The following IGSF21 variants were observed in gnomAD, a reference collection of about 807,000 sequenced individuals.
The protein encoded by IGSF21 is immunoglobin superfamily member 21.
In IGSF21, 28 loss-of-function variants were observed where a neutral mutation model predicts 46.8. The ratio of observed to expected loss-of-function variants is 0.60; its 90% CI spans 0.44 to 0.82. The LOEUF (loss-of-function observed/expected upper bound fraction) is 0.82. Among genes scored for constraint, IGSF21 ranks in the 40% least tolerant of loss-of-function variants. The pLI, the probability that IGSF21 is intolerant of heterozygous loss-of-function variation, is 0.00. For missense variants in IGSF21, 624 were observed against 665.5 expected, an observed-to-expected ratio of 0.94 and a Z score of 0.69; for synonymous variants, 284 against 273.6, an observed-to-expected ratio of 1.04 and a Z score of -0.38.
intron 1 of IGSF21, among the ~76,000 whole-genome samples, chr1:18,119,661 G>A (rs2086217522): frequency 6.6e-6 from 1 of 152,126 alleles, no homozygotes; most frequent in Non-Finnish European, 1.5e-5. Context: ...AAGCTTTAAT[G>A]CCCCTCTATC....
At chr1:18,122,010 G>A (rs930757121) in intron 1 of IGSF21, among the ~76,000 whole-genome samples, 1 of 152,172 alleles carries the variant, frequency 6.6e-6, no homozygotes, top group Admixed American at 6.5e-5. Context: ...GGTCACCCAT[G>A]AGTCTCATTT....
At chr1:18,361,389 A>G (rs2003724) in intron 4 of IGSF21, 41,388 of 152,198 alleles carry the variant, frequency 0.27, 5,751 homozygotes, top group South Asian at 0.38. Context: ...GAAGATACTC[A>G]CTGTGACAAG....
At chr1:18,190,830 G>T (rs2086949003) in intron 1 of IGSF21, among the ~76,000 whole-genome samples, 1 of 152,168 alleles carries the variant, frequency 6.6e-6, no homozygotes, top group African/African-American at 2.4e-5. Context: ...TTCTCGGCTG[G>T]GCCTAATCAC....
chr1:18,376,474 CCTCT>C, intron 7 of IGSF21, 79 bp downstream of exon 7: 1 of 1,022,284 alleles, frequency 9.8e-7, no homozygotes, highest in Non-Finnish European at 1.6e-6. Context: ...TCCTGGCAGT[CCTCT>C]CTAACACTCT....
intron 3 of IGSF21, among the ~76,000 whole-genome samples, chr1:18,318,959 AC>A (rs2124592029): frequency 6.6e-6 from 1 of 151,926 alleles, no homozygotes; most frequent in African/African-American, 2.4e-5. Context: ...CCAGGGAATG[AC>A]CTCTTCCTTC....
chr1:18,306,816 G>A (rs1324857036), intron 3 of IGSF21, among the ~76,000 whole-genome samples: 1 of 152,190 alleles, frequency 6.6e-6, no homozygotes, highest in African/African-American at 2.4e-5. Context: ...GTTTGTGCTG[G>A]ATGATGGGAA....
chr1:18,181,508 A>G (rs903840560), intron 1 of IGSF21, among the ~76,000 whole-genome samples: 1 of 152,188 alleles, frequency 6.6e-6, no homozygotes, highest in African/African-American at 2.4e-5. Flanking sequence ...GGCAGGGAGC[A>G]GGGCACCAGC....
chr1:18,214,645 G>T (rs2084424599), intron 1 of IGSF21, among the ~76,000 whole-genome samples: 1 of 152,194 alleles, frequency 6.6e-6, no homozygotes, highest in African/African-American at 2.4e-5. Flanking sequence ...TTACAGTCAT[G>T]GAGGAAGGTG....
intron 1 of IGSF21, among the ~76,000 whole-genome samples, chr1:18,129,877 C>T (rs2124415516): frequency 6.6e-6 from 1 of 152,320 alleles, no homozygotes; most frequent in East Asian, 1.9e-4. Flanking sequence ...TCTGGCCCCT[C>T]TTGCCCTTCC....
intron 1 of IGSF21, among the ~76,000 whole-genome samples, chr1:18,211,387 G>A (rs997614921): frequency 1.3e-5 from 2 of 152,212 alleles, no homozygotes; most frequent in African/African-American, 4.8e-5. Flanking sequence ...GCAAAGCCAC[G>A]CTGCATTCAG....
chr1:18,304,613 C>G (rs1169702691), intron 3 of IGSF21, among the ~76,000 whole-genome samples: 1 of 152,158 alleles, frequency 6.6e-6, no homozygotes, highest in Non-Finnish European at 1.5e-5. Flanking sequence ...TCCCCCTGAC[C>G]TGCAGCCTGC....
At chr1:18,141,572 G>C (rs74055904) in intron 1 of IGSF21, among the ~76,000 whole-genome samples, 411 of 152,236 alleles carry the variant, frequency 2.7e-3, no homozygotes, top group African/African-American at 9.5e-3. Context: ...GGGGCAGGAA[G>C]AAGCATATGA....
At chr1:18,161,471 A>G (rs2086622093) in intron 1 of IGSF21, among the ~76,000 whole-genome samples, 1 of 152,026 alleles carries the variant, frequency 6.6e-6, no homozygotes, top group Middle Eastern at 3.2e-3. Flanking sequence ...TACCCAGGCC[A>G]CCAAAAGCCT....
chr1:18,316,263 T>C (rs2085542294), intron 3 of IGSF21, among the ~76,000 whole-genome samples: 1 of 152,156 alleles, frequency 6.6e-6, no homozygotes, highest in African/African-American at 2.4e-5. Context: ...TGTCCCCTCC[T>C]CCCCAGCATG....
At chr1:18,371,040 T>C (rs544339995) in intron 6 of IGSF21, among the ~76,000 whole-genome samples, 1 of 152,370 alleles carries the variant, frequency 6.6e-6, no homozygotes, top group South Asian at 2.1e-4. Context: ...AAAATATTTC[T>C]GTTCTTATGA....
At chr1:18,368,538 A>T (rs1306699142) in intron 6 of IGSF21, among the ~76,000 whole-genome samples, 3 of 102,294 alleles carry the variant, frequency 2.9e-5, no homozygotes, top group Non-Finnish European at 4.2e-5. Context: ...GTTGGGGGGA[A>T]AAAAGATATT....
intron 1 of IGSF21, among the ~76,000 whole-genome samples, chr1:18,118,914 CCCTCCCTT>C (rs1291168673): frequency 5.5e-5 from 8 of 145,220 alleles, no homozygotes; most frequent in African/African-American, 7.7e-5. Context: ...CTCCCTCCCT[CCCTCCCTT>C]CCTTTCTTCC....
At chr1:18,232,209 C>CTTTTTTTTTTTTTTTTTTTTTT (rs55775011) in intron 2 of IGSF21, among the ~76,000 whole-genome samples, 2 of 104,998 alleles carry the variant, frequency 1.9e-5, no homozygotes, top group Admixed American at 1.0e-4. Context: ...CTCCAGACAG[C>CTTTTTTTTTTTTTTTTTTTTTT]TTTTTTTTGG....
chr1:18,157,524 G>A (rs1375876898), intron 1 of IGSF21, among the ~76,000 whole-genome samples: 1 of 152,136 alleles, frequency 6.6e-6, no homozygotes, highest in African/African-American at 2.4e-5. Context: ...GACTCCCAAG[G>A]CAGGGGGTTC....
Sources: allele counts gnomAD v4.1 joint callset (sites outside exome capture counted in the v4.1 genomes callset), GRCh38; gene constraint gnomAD v4.1.1; transcripts MANE v1.5; gene names NCBI Gene and HGNC (gene_info 2026-07-23, HGNC 2026-07-21).